SLC24A3: variants seen among roughly 807,000 people sequenced by gnomAD.
SLC24A3 encodes solute carrier family 24 member 3.
A neutral mutation model predicts 75.8 loss-of-function variants in SLC24A3; 28 were observed. That is an observed-to-expected ratio of 0.37 (90% CI 0.27 to 0.51). SLC24A3 has a LOEUF of 0.51. SLC24A3 is among the 20% of genes least tolerant of loss of function. SLC24A3 has a pLI of 0.94. For synonymous variants in SLC24A3, 372 were observed against 334.1 expected (o/e 1.11, Z -1.24); for missense variants, 663 against 847.8 (o/e 0.78, Z 2.71).
At chr20:19,407,783 T>C (rs1986674334) in intron 2 of SLC24A3, among the ~76,000 whole-genome samples, 1 of 152,216 alleles carries the variant, frequency 6.6e-6, no homozygotes, top group Non-Finnish European at 1.5e-5. Flanking sequence ...TTGGCAATGG[T>C]CAGTCTCTAT....
At chr20:19,688,297 C>T (rs1212931078) in intron 12 of SLC24A3, among the ~76,000 whole-genome samples, 2 of 152,226 alleles carry the variant, frequency 1.3e-5, no homozygotes, top group Non-Finnish European at 2.9e-5. Context: ...CCTAGAGGCA[C>T]TCAGCAATCT....
intron 1 of SLC24A3, among the ~76,000 whole-genome samples, chr20:19,227,534 A>T (rs1023305939): frequency 3.3e-4 from 50 of 152,086 alleles, no homozygotes; most frequent in South Asian, 2.5e-3. Context: ...TTTACTTTTT[A>T]AAAAATTTAA....
At chr20:19,430,144 T>C (rs1204171843) in intron 2 of SLC24A3, among the ~76,000 whole-genome samples, 3 of 152,150 alleles carry the variant, frequency 2.0e-5, no homozygotes, top group African/African-American at 7.2e-5. Context: ...TTCTTTGAGC[T>C]AAGATTTGGC....
chr20:19,426,829 T>C lies in SLC24A3; in HGVS notation c.272-88659T>C, dbSNP rs73605522. ...GGCCATCCAGGTGGGTGATGAGGAA[T>C]ACCTGAACCACAACAGTGGGACTGG... On this transcript the variant is annotated intron_variant, in intron 2 of 16. Coordinates refer to ENST00000328041, the MANE Select transcript of SLC24A3 (RefSeq NM_020689.4). 2.0e-5 allele frequency among the ~76,000 whole-genome samples: 3 copies of C among 152,218 alleles called. No individual in the cohort carries two copies. The East Asian group carries it at 5.8e-4, about 29-fold the overall frequency.
chr20:19,337,122 G>A (rs548423067), intron 2 of SLC24A3, among the ~76,000 whole-genome samples: 57 of 152,272 alleles, frequency 3.7e-4, no homozygotes, highest in African/African-American at 1.1e-3. Flanking sequence ...GACTAAAAGT[G>A]CTTTTCCTAG....
At chr20:19,298,044 G>A (rs1984100780) in intron 2 of SLC24A3, among the ~76,000 whole-genome samples, 1 of 152,358 alleles carries the variant, frequency 6.6e-6, no homozygotes, top group South Asian at 2.1e-4. Flanking sequence ...AGAAGGTGGG[G>A]GAATGGTCTG....
chr20:19,433,982 G>A (rs1450650111), intron 2 of SLC24A3, among the ~76,000 whole-genome samples: 1 of 152,140 alleles, frequency 6.6e-6, no homozygotes, highest in Admixed American at 6.5e-5. Context: ...GTTTGTATTT[G>A]AAAAGCACAG....
chr20:19,619,031 C>T (rs1488255630), intron 6 of SLC24A3, among the ~76,000 whole-genome samples: 2 of 152,156 alleles, frequency 1.3e-5, no homozygotes, highest in African/African-American at 4.8e-5. Context: ...CCCGAGTGCC[C>T]CACATCCCAC....
chr20:19,394,266 A>T (rs117710723), intron 2 of SLC24A3, among the ~76,000 whole-genome samples: 4 of 152,184 alleles, frequency 2.6e-5, no homozygotes, highest in Non-Finnish European at 5.9e-5. Context: ...AGAAGAAAAC[A>T]TAGGAGTAAA....
chr20:19,643,288 T>C (rs1255927141), intron 6 of SLC24A3, among the ~76,000 whole-genome samples: 1 of 152,176 alleles, frequency 6.6e-6, no homozygotes, highest in Admixed American at 6.5e-5. Flanking sequence ...TAAGCCAGAT[T>C]AGCTCCTGAT....
intron 15 of SLC24A3, among the ~76,000 whole-genome samples, chr20:19,707,696 C>A (rs1254820048): frequency 6.6e-6 from 1 of 152,104 alleles, no homozygotes; most frequent in Non-Finnish European, 1.5e-5. Flanking sequence ...GGAGAATAAT[C>A]ATAAGTAACA....
At chr20:19,634,615 C>T (rs2031977081) in intron 6 of SLC24A3, among the ~76,000 whole-genome samples, 1 of 151,980 alleles carries the variant, frequency 6.6e-6, no homozygotes, top group South Asian at 2.1e-4. Context: ...AAATGAAGCT[C>T]AAAAATATGC....
chr20:19,236,140 C>T (rs2122155421), intron 1 of SLC24A3, among the ~76,000 whole-genome samples: 1 of 152,302 alleles, frequency 6.6e-6, no homozygotes, highest in African/African-American at 2.4e-5. Flanking sequence ...GAGCCATGCT[C>T]TGTTGGTAAC....
At chr20:19,380,444 G>T (rs1242637307) in intron 2 of SLC24A3, among the ~76,000 whole-genome samples, 1 of 152,216 alleles carries the variant, frequency 6.6e-6, no homozygotes, top group Non-Finnish European at 1.5e-5. Flanking sequence ...TTTAATAAGG[G>T]TGGATTTACA....
intron 2 of SLC24A3, among the ~76,000 whole-genome samples, chr20:19,458,999 T>C (rs1170266617): frequency 6.6e-6 from 1 of 152,164 alleles, no homozygotes; most frequent in Non-Finnish European, 1.5e-5. Flanking sequence ...AGTAGTGTTA[T>C]AGTCAGATTT....
At chr20:19,712,321 G>A (rs2033001180) in intron 15 of SLC24A3, among the ~76,000 whole-genome samples, 2 of 151,986 alleles carry the variant, frequency 1.3e-5, no homozygotes, top group Non-Finnish European at 2.9e-5. Flanking sequence ...GTGCTAGAGT[G>A]AGGAAAAACT....
chr20:19,566,336 A>C (rs2122616401), intron 3 of SLC24A3, among the ~76,000 whole-genome samples: 1 of 152,342 alleles, frequency 6.6e-6, no homozygotes, highest in East Asian at 1.9e-4. Flanking sequence ...GCTGAGTCAA[A>C]GATGGTCCTC....
Position 19,492,204 on chromosome 20 carries a change from C to T in SLC24A3, c.272-23284C>T, listed in dbSNP as rs117057527. ...GCCATGGATATTCTTCTTTACTATA[C>T]TCTAAAGCAAGGCCAGATGCTTGCT... On this transcript the variant is annotated intron_variant, in intron 2 of 16. Coordinates refer to ENST00000328041, the MANE Select transcript of SLC24A3 (RefSeq NM_020689.4). Among the ~76,000 whole-genome samples the T allele has an allele frequency of 7.0e-3, 1,063 of 152,300 alleles. 7 individuals carry two copies. The highest frequency in any genetic ancestry group is 0.01 in the Non-Finnish European group (694 of 68,014).
chr20:19,427,722 A>G (rs903427199), intron 2 of SLC24A3, among the ~76,000 whole-genome samples: 7 of 152,190 alleles, frequency 4.6e-5, no homozygotes, highest in African/African-American at 1.7e-4. Context: ...GAGAGGATAA[A>G]GATCTCTCCT....
Sources: allele counts gnomAD v4.1 joint callset (sites outside exome capture counted in the v4.1 genomes callset), GRCh38; gene constraint gnomAD v4.1.1; transcripts MANE v1.5; gene names NCBI Gene and HGNC (gene_info 2026-07-23, HGNC 2026-07-21).